Variants in PNISR observed in about 807,000 individuals in gnomAD.
PNISR encodes the protein arginine/serine-rich protein PNISR.
PNISR carries 20 observed loss-of-function variants against 93.4 expected under a neutral mutation model. The observed-to-expected ratio is 0.21, with a 90% CI of 0.15 to 0.31. The LOEUF (loss-of-function observed/expected upper bound fraction) is 0.31, where lower values mean the gene tolerates loss of function less well. Ranked by LOEUF, PNISR falls within the 10% of genes least tolerant of loss-of-function variation. The pLI is 1.00. For missense variants in PNISR, 893 were observed against 985.4 expected, an observed-to-expected ratio of 0.91 and a Z score of 1.25; for synonymous variants, 305 against 306.5, an observed-to-expected ratio of 0.99 and a Z score of 0.05.
At chr6:99,410,177 T>A (rs1327508759) in intron 5 of PNISR, 1 of 152,390 alleles carries the variant, frequency 6.6e-6, no homozygotes, top group Non-Finnish European at 1.5e-5. Flanking sequence ...GCAGAGGGAA[T>A]GAAGTAAATA....
Position 99,401,230 on chromosome 6 carries a change from A to G in PNISR, c.1728T>C (p.Tyr576=). The change falls in exon 12 of 12, where the codon TAT becomes TAC. Residue 576 remains tyrosine, a synonymous_variant. Coordinates refer to ENST00000369239, the MANE Select transcript of PNISR (RefSeq NM_032870.4). Reference sequence around the variant, plus strand: ...TGCTCTCTATTTTAATTCTGCGAGAATAGCTTCTACTCCTGCTACGTCTAG... The same window carrying G: ...TGCTCTCTATTTTAATTCTGCGAGAGTAGCTTCTACTCCTGCTACGTCTAG... The part of the protein sequence containing the change: ...IKARRSRSRS[Y]SRRIKIESNR... The G allele has an allele frequency of 6.2e-7, 1 of 1,614,006 alleles. No homozygotes were observed. The highest frequency in any genetic ancestry group is 1.1e-5 in the South Asian group (1 of 91,078).
At chr6:99,416,967 G>C (rs746553489) in intron 1 of PNISR, among the ~76,000 whole-genome samples, 8 of 152,130 alleles carry the variant, frequency 5.3e-5, no homozygotes, top group African/African-American at 1.9e-4. Context: ...AAAGCATCTT[G>C]CACATAGCAG....
At chr6:99,418,886 C>T (rs939750176) in intron 1 of PNISR, among the ~76,000 whole-genome samples, 8 of 152,174 alleles carry the variant, frequency 5.3e-5, no homozygotes, top group Admixed American at 6.5e-5. Flanking sequence ...CGGTGGCTCA[C>T]GCCTGTAATC....
At chr6:99,408,534 T>G (rs547313174) in intron 6 of PNISR, among the ~76,000 whole-genome samples, 3 of 152,222 alleles carry the variant, frequency 2.0e-5, no homozygotes, top group South Asian at 4.1e-4. Flanking sequence ...GTGAGGAAAC[T>G]GAGACTCGAA....
In PNISR at chr6:99,406,067, G is replaced by C. The variant is rs1776127147; in HGVS notation, c.966C>G (p.Asp322Glu). The C allele has an allele frequency of 1.9e-6, 3 of 1,611,352 alleles. No individual in the cohort carries two copies. The highest frequency in any genetic ancestry group is 1.7e-4 in the Middle Eastern group (1 of 6,056). Residue 322 changes from aspartate (D) to glutamate (E), a missense_variant, in exon 8 of 12, where the codon GAC becomes GAG. Physicochemically the swap from Asp to Glu is conservative, Grantham distance 45. Around this residue, in one of 3 missense-constraint regions of PNISR, gnomAD observed 866 missense variants for 935.1 expected, o/e 0.93. Coordinates refer to ENST00000369239, the MANE Select transcript of PNISR (RefSeq NM_032870.4). ...PSPVPQEEHS[D>E]PEMTEEEKEY... ...CTTTCTCCTCTTCAGTCATCTCAGG[G>C]TCACTGTGCTCTTCTTGAGGAACTG...
rs183931229 is a variant in PNISR, at chr6:99,408,741, G to C, written c.673+432C>G. The stretch of plus-strand genomic sequence containing the variant: ...GCTCTATAATGTTATTTAAAAAATT[G>C]AAATTTTCTGCCAAAATACTTAAGG... On this transcript the variant is annotated intron_variant, in intron 6 of 11. Coordinates refer to ENST00000369239, the MANE Select transcript of PNISR (RefSeq NM_032870.4). Among the ~76,000 whole-genome samples, 50 of 152,198 alleles carry C rather than the reference G, an allele frequency of 3.3e-4. 1 individual carries two copies. In the East Asian group the frequency reaches 6.8e-3, roughly 21 times the overall value.
chr6:99,403,682 C>A (rs775265970), intron 10 of PNISR, 147 bp downstream of exon 10: 9 of 486,900 alleles, frequency 1.8e-5, no homozygotes, highest in Non-Finnish European at 2.9e-5. Flanking sequence ...AATAGGCAAA[C>A]CTTTTTAGAC....
At chr6:99,409,708 G>A (rs1776644591) in intron 5 of PNISR, 1 of 165,018 alleles carries the variant, frequency 6.1e-6, no homozygotes, top group African/African-American at 2.4e-5. Context: ...CCTACTTACA[G>A]TGAACAAAAA....
chr6:99,412,521 C>CTTAA (rs1220268055), intron 4 of PNISR, 30 bp downstream of exon 4: 1 of 1,478,866 alleles, frequency 6.8e-7, no homozygotes, highest in East Asian at 2.3e-5. Context: ...TTTTAAAAGT[C>CTTAA]TTAAAATTGT....
chr6:99,424,369 G>T (rs565264976), intron 1 of PNISR, among the ~76,000 whole-genome samples: 1 of 151,730 alleles, frequency 6.6e-6, no homozygotes, highest in South Asian at 2.1e-4. Flanking sequence ...TGTGCTCAAC[G>T]TAAACAAAAA....
chr6:99,420,345 A>G (rs569325262), intron 1 of PNISR, among the ~76,000 whole-genome samples: 8 of 152,368 alleles, frequency 5.3e-5, no homozygotes, highest in African/African-American at 1.9e-4. Context: ...ACTTACATTA[A>G]AATTTTGTAG....
intron 3 of PNISR, among the ~76,000 whole-genome samples, chr6:99,414,279 C>T (rs1450335231): frequency 2.0e-5 from 3 of 152,170 alleles, no homozygotes; most frequent in Admixed American, 6.5e-5. Flanking sequence ...CAGAAGTGTT[C>T]TCCATAAGCA....
Position 99,405,509 on chromosome 6 carries a change from GA to G in PNISR, c.1002+521del, listed in dbSNP as rs576400374. ...ATATTCCGAAATCATACGGATCAAAGAAAAAAATATTATAAATGTATCTGTA... is the reference window on the plus strand; with the variant it reads ...ATATTCCGAAATCATACGGATCAAAGAAAAAATATTATAAATGTATCTGTA... On this transcript the variant is annotated intron_variant, in intron 8 of 11. Transcript: ENST00000369239. Among the ~76,000 whole-genome samples the G allele has an allele frequency of 2.2e-3, 335 of 151,958 alleles. 4 individuals carry two copies. Among genetic ancestry groups the G allele is most frequent in the African/African-American group, 7.6e-3 (316 of 41,494 alleles).
intron 1 of PNISR, among the ~76,000 whole-genome samples, chr6:99,418,899 A>T (rs1778102255): frequency 6.6e-6 from 1 of 152,192 alleles, no homozygotes; most frequent in Non-Finnish European, 1.5e-5. Flanking sequence ...CTGTAATCCT[A>T]GCACTTTGGG....
At chr6:99,416,990 TAATC>T (rs1777786002) in intron 1 of PNISR, among the ~76,000 whole-genome samples, 2 of 152,206 alleles carry the variant, frequency 1.3e-5, no homozygotes, top group Admixed American at 6.5e-5. Flanking sequence ...ACTAAATAAA[TAATC>T]AGTGTCTAGC....
At chr6:99,414,821 A>G (rs1324674709) in intron 2 of PNISR, 131 bp from the exon 3 acceptor site, 10 of 450,300 alleles carry the variant, frequency 2.2e-5, no homozygotes, top group Non-Finnish European at 3.9e-5. Flanking sequence ...AGCTTGCCAG[A>G]GGCAACTAGA....
chr6:99,406,251 C>A, intron 7 of PNISR, 83 bp from the exon 8 acceptor site: 2 of 803,406 alleles, frequency 2.5e-6, no homozygotes, highest in South Asian at 2.7e-5. Flanking sequence ...TCTTAAACCC[C>A]AAATTAAAAA....
At chr6:99,405,242 A>C (rs748960346) in intron 8 of PNISR, among the ~76,000 whole-genome samples, 22 of 152,080 alleles carry the variant, frequency 1.4e-4, no homozygotes, top group Non-Finnish European at 2.4e-4. Flanking sequence ...AGGTGGGCGG[A>C]TCACCTGAGG....
chr6:99,402,993 CT>C (rs1455202944), intron 10 of PNISR: 2 of 231,680 alleles, frequency 8.6e-6, no homozygotes, highest in Non-Finnish European at 1.7e-5. Context: ...ACCAACAAAA[CT>C]ACTTAACAGG....
Sources: allele counts gnomAD v4.1 joint callset (sites outside exome capture counted in the v4.1 genomes callset), GRCh38; gene constraint gnomAD v4.1.1; regional missense constraint gnomAD v4.1.1; transcripts MANE v1.5; gene names NCBI Gene and HGNC (gene_info 2026-07-23, HGNC 2026-07-21).